KDM4B: variants seen among roughly 807,000 people sequenced by gnomAD.
The protein encoded by KDM4B is lysine-specific demethylase 4B.
In KDM4B, 32 loss-of-function variants were observed where a neutral mutation model predicts 125.2. That is an observed-to-expected ratio of 0.26 (90% CI 0.19 to 0.34). The LOEUF is 0.34. Among genes scored for constraint, KDM4B ranks in the 10% least tolerant of loss-of-function variants. The probability of loss-of-function intolerance (pLI) is 1.00; values close to 1 mark genes in which losing one functional copy is unlikely to be tolerated. For missense variants in KDM4B, 1,190 were observed against 1,577.7 expected (o/e 0.75, Z 4.16); for synonymous variants, 721 against 677.9 (o/e 1.06, Z -0.99).
intron 1 of KDM4B, among the ~76,000 whole-genome samples, chr19:4,978,695 A>G (rs2034538130): frequency 6.6e-6 from 1 of 152,040 alleles, no homozygotes; most frequent in South Asian, 2.1e-4. Flanking sequence ...CCGTTCATCA[A>G]AACAGCTCCT....
At chr19:5,071,944 C>A (rs967387539) in intron 7 of KDM4B, among the ~76,000 whole-genome samples, 1 of 152,198 alleles carries the variant, frequency 6.6e-6, no homozygotes, top group African/African-American at 2.4e-5. Context: ...GGCAGGTGGA[C>A]AGCTTGGGGT....
In KDM4B at chr19:5,141,022, T is replaced by C. The variant is rs189853251; in HGVS notation, c.2551-2945T>C. On this transcript the variant is annotated intron_variant, in intron 18 of 22. Transcript: ENST00000159111. The surrounding 1 kb of genome is among the most constrained non-coding windows in gnomAD (Gnocchi z 6.4). ...GGGGCTGGAAGCAGACAGATCAGTCTGGCAGGGTGGGTCTGCTGGGGAGAC... is the reference window on the plus strand; with the variant it reads ...GGGGCTGGAAGCAGACAGATCAGTCCGGCAGGGTGGGTCTGCTGGGGAGAC... The C allele has an allele frequency of 7.9e-5, 12 of 152,358 alleles. No homozygotes were observed. Among genetic ancestry groups the C allele is most frequent in the African/African-American group, 2.2e-4 (9 of 41,578 alleles). 9.4% of individuals were successfully genotyped at this position (152,358 alleles called of 1,614,324 possible).
At chr19:5,091,050 A>T (rs1430827470) in intron 9 of KDM4B, among the ~76,000 whole-genome samples, 1 of 152,206 alleles carries the variant, frequency 6.6e-6, no homozygotes, top group African/African-American at 2.4e-5. Context: ...GGATGTTCCT[A>T]TTTCACTCAA....
At chr19:5,129,137 G>T (rs549238471) in intron 11 of KDM4B, among the ~76,000 whole-genome samples, 1 of 152,202 alleles carries the variant, frequency 6.6e-6, no homozygotes, top group Non-Finnish European at 1.5e-5. Flanking sequence ...CACCGTGGGC[G>T]GTCCCCCAAG....
At chr19:5,041,013 C>G in intron 4 of KDM4B, 124 bp from the exon 5 acceptor site, 1 of 588,264 alleles carries the variant, frequency 1.7e-6, no homozygotes, top group Non-Finnish European at 3.1e-6. Context: ...GGCGGGGCAG[C>G]GGGCAGTCGG....
rs1439969092 is a variant in KDM4B at position 5,144,034 on chromosome 19, A to G, written c.2618A>G (p.His873Arg). Residue 873 changes from histidine (H) to arginine (R), a missense_variant, in exon 19 of 23, where the codon CAC becomes CGC. This residue lies in a region of KDM4B where 298 missense variants were observed against 439.7 expected (regional missense o/e 0.68). Transcript: ENST00000159111. Reference protein sequence around the residue: ...SGACIQCSYEHCSTSFHVTCA... With the variant: ...SGACIQCSYERCSTSFHVTCA... ...GCCTGTATCCAGTGCTCCTACGAGC[A>G]CTGCTCCACGTCCTTCCACGTGACC... 3 of 1,602,494 alleles carry G rather than the reference A, an allele frequency of 1.9e-6. No homozygotes were observed. Among genetic ancestry groups the G allele is most frequent in the Non-Finnish European group, 1.7e-6 (2 of 1,171,114 alleles).
chr19:4,989,409 C>T (rs2034959213), intron 1 of KDM4B, among the ~76,000 whole-genome samples: 1 of 152,126 alleles, frequency 6.6e-6, no homozygotes, highest in African/African-American at 2.4e-5. Flanking sequence ...ACGATCTTGG[C>T]TCACTGTAAC....
At chr19:5,014,806 C>T (rs2035839729) in intron 1 of KDM4B, among the ~76,000 whole-genome samples, 1 of 151,792 alleles carries the variant, frequency 6.6e-6, no homozygotes, top group South Asian at 2.1e-4. Context: ...CCAGCTTGGC[C>T]AGCATGGTGA....
chr19:5,131,873 G>C lies in KDM4B; in HGVS notation c.1786-14G>C, dbSNP rs779067007. 8 of 1,612,660 alleles carry C rather than the reference G, an allele frequency of 5.0e-6. No homozygotes were observed. The highest frequency in any genetic ancestry group is 6.8e-6 in the Non-Finnish European group (8 of 1,179,860). ...TGTAGCGGGGCCCTCACTACAGCCT[G>C]TTGTGTGTTTCAGGCACCGTCCACA... On this transcript the variant is annotated splice_polypyrimidine_tract_variant and intron_variant, in intron 12 of 22. Coordinates refer to ENST00000159111, the MANE Select transcript of KDM4B (RefSeq NM_015015.3).
At chr19:5,083,568 T>C (rs905800872) in intron 9 of KDM4B, among the ~76,000 whole-genome samples, 4 of 152,178 alleles carry the variant, frequency 2.6e-5, no homozygotes, top group Non-Finnish European at 5.9e-5. Context: ...TGCCCCCAAG[T>C]AGGACTGAGC....
intron 6 of KDM4B, among the ~76,000 whole-genome samples, chr19:5,066,769 G>C (rs571774204): frequency 6.6e-6 from 1 of 152,228 alleles, no homozygotes; most frequent in African/African-American, 2.4e-5. Context: ...TGGAGATGCG[G>C]AGCCGAGTTT....
At chr19:4,993,375 C>T (rs2035089592) in intron 1 of KDM4B, among the ~76,000 whole-genome samples, 1 of 151,494 alleles carries the variant, frequency 6.6e-6, no homozygotes, top group African/African-American at 2.4e-5. Flanking sequence ...CCCCACTACC[C>T]TCCAGCCTGG....
At position 5,151,549 on chromosome 19, in the gene KDM4B, G is replaced by A. The variant is rs1185663325; in HGVS notation, c.*38G>A. ...CTCAGGCGACCCTCAGCCCGGCGGG[G>A]AGGCCATGGCATGCCCCGGGCGTTC... On this transcript the variant is annotated 3_prime_UTR_variant, in exon 23 of 23. Coordinates refer to ENST00000159111, the MANE Select transcript of KDM4B (RefSeq NM_015015.3). The A allele has an allele frequency of 6.9e-6, 9 of 1,310,704 alleles. No homozygotes were observed. Among genetic ancestry groups the A allele is most frequent in the Non-Finnish European group, 8.8e-6 (9 of 1,025,064 alleles). The allele number at this position is 1,310,704 out of a possible 1,614,324, so 81.2% of individuals were successfully genotyped here.
Position 5,141,543 on chromosome 19 carries a change from G to A in KDM4B, c.2551-2424G>A, listed in dbSNP as rs1568323642. ...GCTTAATGGGGCTTTGCAAGGAGGC[G>A]GCGGTTAATTCCTGCTCGCCCAACC... On this transcript the variant is annotated intron_variant, in intron 18 of 22. Coordinates refer to ENST00000159111, the MANE Select transcript of KDM4B (RefSeq NM_015015.3). This position sits in a 1 kb window ranked among gnomAD's most constrained non-coding sequence, Gnocchi z 6.4. 2.0e-5 allele frequency: 3 copies of A among 152,182 alleles called. No individual in the cohort carries two copies. Among genetic ancestry groups the A allele is most frequent in the Non-Finnish European group, 4.4e-5 (3 of 68,042 alleles). 9.4% of individuals were successfully genotyped at this position (152,182 alleles called of 1,614,324 possible).
In KDM4B at chr19:4,997,979, G is replaced by A. The variant is rs150583815; in HGVS notation, c.-108-18278G>A. Among the ~76,000 whole-genome samples the A allele has an allele frequency of 9.1e-3, 1,392 of 152,370 alleles. 28 individuals carry two copies. Among genetic ancestry groups the A allele is most frequent in the African/African-American group, 0.032 (1,331 of 41,586 alleles). On this transcript the variant is annotated intron_variant, in intron 1 of 22. Transcript: ENST00000159111. The surrounding 1 kb of genome is among the most constrained non-coding windows in gnomAD (Gnocchi z 4.2). ...TAGATGCATAGATTATTTAGTTAATGATTATGGTTTTAAATGGTTAATTAT... is the reference window on the plus strand; with the variant it reads ...TAGATGCATAGATTATTTAGTTAATAATTATGGTTTTAAATGGTTAATTAT...
chr19:5,083,019 G>A (rs1012166337), intron 9 of KDM4B, among the ~76,000 whole-genome samples: 14 of 152,166 alleles, frequency 9.2e-5, no homozygotes. Context: ...AGCTCCCAGT[G>A]CCTGGGTGCT....
At chr19:4,989,639 T>G (rs2034968436) in intron 1 of KDM4B, among the ~76,000 whole-genome samples, 1 of 149,500 alleles carries the variant, frequency 6.7e-6, no homozygotes, top group African/African-American at 2.5e-5. Context: ...CCATGCCCAG[T>G]CTTCTTCTTC....
rs531641526 is a variant in KDM4B at position 5,152,169 on chromosome 19, G to A, written c.*658G>A. 1.3e-5 allele frequency: 2 copies of A among 152,276 alleles called. No individual in the cohort carries two copies. Among genetic ancestry groups the A allele is most frequent in the South Asian group, 2.1e-4 (1 of 4,818 alleles). 9.4% of individuals were successfully genotyped at this position (152,276 alleles called of 1,614,324 possible). On this transcript the variant is annotated 3_prime_UTR_variant, in exon 23 of 23. Coordinates refer to ENST00000159111, the MANE Select transcript of KDM4B (RefSeq NM_015015.3). ...CCCGGTCACTCACGGCCTCGCTCTC[G>A]CCTCACCCCGGCTCCTGGGCTTTGA...
At chr19:5,024,228 A>C (rs1269449583) in intron 2 of KDM4B, among the ~76,000 whole-genome samples, 1 of 152,126 alleles carries the variant, frequency 6.6e-6, no homozygotes, top group African/African-American at 2.4e-5. Context: ...TCTTGGGGAC[A>C]TGGGCAGTTG....
Sources: gnomAD v4.1 joint callset for allele counts (sites outside exome capture counted in the v4.1 genomes callset) on GRCh38, gnomAD v4.1.1 for gene constraint, gnomAD v4.1.1 regional missense constraint, Gnocchi (gnomAD v3.1) non-coding constraint, MANE v1.5 for transcripts, NCBI Gene and HGNC (gene_info 2026-07-23, HGNC 2026-07-21) for gene names.